DLC1: variants seen among roughly 807,000 people sequenced by gnomAD.
DLC1 encodes rho GTPase-activating protein 7.
In DLC1, 54 loss-of-function variants were observed where a neutral mutation model predicts 140.3. That is an observed-to-expected ratio of 0.38 (90% CI 0.31 to 0.48). DLC1 has a LOEUF of 0.48. DLC1 is among the 20% of genes least tolerant of loss of function. The pLI is 0.96. For synonymous variants in DLC1, 986 were observed against 728.1 expected, an observed-to-expected ratio of 1.35 and a Z score of -5.70; for missense variants, 2,536 against 1,907.0, an observed-to-expected ratio of 1.33 and a Z score of -6.14.
At chr8:13,240,935 G>A (rs528613472) in intron 5 of DLC1, among the ~76,000 whole-genome samples, 2 of 152,264 alleles carry the variant, frequency 1.3e-5, no homozygotes, top group South Asian at 4.2e-4. Flanking sequence ...TTGGCTCTCT[G>A]TTCTAACTAG....
Position 13,401,633 on chromosome 8 carries a change from C to T in DLC1, c.1024-14G>A, listed in dbSNP as rs764815596. 2 of 1,602,350 alleles carry T rather than the reference C, an allele frequency of 1.2e-6. No individual in the cohort carries two copies. Among genetic ancestry groups the T allele is most frequent in the Admixed American group, 3.5e-5 (2 of 57,880 alleles). On this transcript the variant is annotated splice_polypyrimidine_tract_variant and intron_variant, in intron 2 of 17. Coordinates refer to ENST00000276297, the MANE Select transcript of DLC1 (RefSeq NM_182643.3). ...TTCTCTTATTTCCTGAGGAACAGAACATTTTGTTACTGAATCTGAAAGGCC... is the reference window on the plus strand; with the variant it reads ...TTCTCTTATTTCCTGAGGAACAGAATATTTTGTTACTGAATCTGAAAGGCC...
intron 1 of DLC1, among the ~76,000 whole-genome samples, chr8:13,583,019 A>G (rs1212533014): frequency 6.6e-6 from 1 of 151,114 alleles, no homozygotes. Flanking sequence ...GTGAGTTGTA[A>G]TCTTTTTGCC....
At chr8:13,602,256 A>G (rs1029972834) in intron 1 of DLC1, among the ~76,000 whole-genome samples, 3 of 151,796 alleles carry the variant, frequency 2.0e-5, no homozygotes, top group Non-Finnish European at 4.4e-5. Flanking sequence ...ATAGAAGAAG[A>G]ACTTTTAGAC....
At chr8:13,496,149 T>G (rs1469060371) in intron 2 of DLC1, among the ~76,000 whole-genome samples, 1 of 152,204 alleles carries the variant, frequency 6.6e-6, no homozygotes, top group Non-Finnish European at 1.5e-5. Context: ...CATGAAAATG[T>G]GGCACATGTG....
At chr8:13,386,095 A>T (rs1291877513) in intron 4 of DLC1, among the ~76,000 whole-genome samples, 1 of 152,182 alleles carries the variant, frequency 6.6e-6, no homozygotes, top group Non-Finnish European at 1.5e-5. Context: ...CGAAAATATG[A>T]GTTGAATTCA....
intron 2 of DLC1, among the ~76,000 whole-genome samples, chr8:13,426,860 T>A (rs775160675): frequency 6.6e-6 from 1 of 152,214 alleles, no homozygotes; most frequent in Non-Finnish European, 1.5e-5. Context: ...TTTGCTGCAA[T>A]CATTAGAGCT....
Position 13,499,622 on chromosome 8 carries a change from T to C in DLC1, c.450A>G (p.Ala150=). Residue 150 remains alanine, a synonymous_variant, in exon 2 of 18, where the codon GCA becomes GCG. Coordinates refer to ENST00000276297, the MANE Select transcript of DLC1 (RefSeq NM_182643.3). ...CTTGGTTACTTTGTATGATGGGCAG[T>C]GCCTTTTCTAAGGAGCCTGCTCCTT... ...MIQGAGSLEK[A]LPIIQSNQVS... The C allele has an allele frequency of 6.2e-7, 1 of 1,614,210 alleles. No individual in the cohort carries two copies. The highest frequency in any genetic ancestry group is 8.5e-7 in the Non-Finnish European group (1 of 1,180,026).
chr8:13,424,039 A>G (rs1426098717), intron 2 of DLC1, among the ~76,000 whole-genome samples: 1 of 152,178 alleles, frequency 6.6e-6, no homozygotes, highest in East Asian at 1.9e-4. Context: ...ATCCTAAGAA[A>G]TGTCTTTATT....
At chr8:13,448,351 C>CTTT (rs752730264) in intron 2 of DLC1, among the ~76,000 whole-genome samples, 3 of 133,836 alleles carry the variant, frequency 2.2e-5, no homozygotes, top group African/African-American at 6.9e-5. Context: ...AAAATTTCTT[C>CTTT]TTCTTCTTCT....
chr8:13,102,251 A>G (rs1353639558), intron 8 of DLC1, among the ~76,000 whole-genome samples: 1 of 152,196 alleles, frequency 6.6e-6, no homozygotes, highest in Non-Finnish European at 1.5e-5. Flanking sequence ...AGAAGAAAAT[A>G]CCATCCAGCT....
At chr8:13,347,378 T>C (rs574197072) in intron 4 of DLC1, among the ~76,000 whole-genome samples, 2 of 152,302 alleles carry the variant, frequency 1.3e-5, no homozygotes, top group African/African-American at 4.8e-5. Context: ...GCCCTAAACA[T>C]ATCATCGCTA....
chr8:13,586,414 A>T (rs912576728), intron 1 of DLC1, among the ~76,000 whole-genome samples: 1 of 152,174 alleles, frequency 6.6e-6, no homozygotes, highest in Non-Finnish European at 1.5e-5. Flanking sequence ...AAGATGGCTC[A>T]TACGTTCTCA....
At chr8:13,287,589 A>G (rs936704799) in intron 5 of DLC1, among the ~76,000 whole-genome samples, 4 of 152,158 alleles carry the variant, frequency 2.6e-5, no homozygotes, top group African/African-American at 9.7e-5. Context: ...TACATCTCTC[A>G]TTATTTGTTA....
intron 5 of DLC1, among the ~76,000 whole-genome samples, chr8:13,232,805 C>T (rs140131321): frequency 6.6e-6 from 1 of 152,278 alleles, no homozygotes; most frequent in East Asian, 1.9e-4. Context: ...TGAAAATATC[C>T]TATAGTCTCA....
At chr8:13,438,732 C>G (rs1358722355) in intron 2 of DLC1, among the ~76,000 whole-genome samples, 2 of 152,166 alleles carry the variant, frequency 1.3e-5, no homozygotes, top group East Asian at 1.9e-4. Flanking sequence ...TGAGTTGTCT[C>G]TCTTTGCTCA....
At chr8:13,117,879 G>A (rs1011211176) in intron 5 of DLC1, among the ~76,000 whole-genome samples, 2 of 152,122 alleles carry the variant, frequency 1.3e-5, no homozygotes, top group African/African-American at 2.4e-5. Context: ...CATGGAAGAT[G>A]TAAGATACTA....
intron 3 of DLC1, among the ~76,000 whole-genome samples, chr8:13,398,605 CAAAAAAA>C (rs55898759): frequency 2.1e-4 from 24 of 113,098 alleles, no homozygotes; most frequent in Non-Finnish European, 3.2e-4. Context: ...CCATCTCTAC[CAAAAAAA>C]AAAAAAAAAA....
intron 5 of DLC1, among the ~76,000 whole-genome samples, chr8:13,204,544 C>T (rs1195831978): frequency 6.6e-6 from 1 of 152,062 alleles, no homozygotes; most frequent in African/African-American, 2.4e-5. Context: ...AGGGTAATTT[C>T]AACTCTTTTA....
upstream of DLC1, among the ~76,000 whole-genome samples, chr8:13,515,271 CA>C (rs1216242197): frequency 1.3e-5 from 2 of 152,152 alleles, no homozygotes; most frequent in African/African-American, 2.4e-5. Flanking sequence ...TTCTAAATGG[CA>C]AAACCTTTTT....
Sources: allele counts gnomAD v4.1 joint callset (sites outside exome capture counted in the v4.1 genomes callset), GRCh38; gene constraint gnomAD v4.1.1; transcripts MANE v1.5; gene names NCBI Gene and HGNC (gene_info 2026-07-23, HGNC 2026-07-21).